The following KLF17 variants were observed in gnomAD, a reference collection of about 807,000 sequenced individuals.
The protein encoded by KLF17 is KLF transcription factor 17, also known as Krueppel-like factor 17.
A neutral mutation model predicts 34.2 loss-of-function variants in KLF17; 31 were observed. The ratio of observed to expected loss-of-function variants is 0.91; its 90% CI spans 0.68 to 1.22. The LOEUF is 1.22. KLF17 is among the 50% of genes most tolerant of loss of function. The pLI, the probability that KLF17 is intolerant of heterozygous loss-of-function variation, is 0.00. For synonymous variants in KLF17, 179 were observed against 186.7 expected (o/e 0.96, Z 0.34); for missense variants, 478 against 505.2 (o/e 0.95, Z 0.52).
At chr1:44,090,708 T>G in the KLF17 span, among the ~76,000 whole-genome samples, 4 of 151,682 alleles carry the variant, frequency 2.6e-5, no homozygotes, top group Non-Finnish European at 5.9e-5. Flanking sequence ...GGAGACAACC[T>G]CAGAAAAGTC....
chr1:44,106,777 CAG>C, the KLF17 span: 1 of 152,156 alleles, frequency 6.6e-6, no homozygotes, highest in Non-Finnish European at 1.5e-5. Flanking sequence ...GACTGGGAGA[CAG>C]AGGCAAATGA....
At position 44,122,372 on chromosome 1, in the gene KLF17, C is replaced by T. The variant is rs747909348; in HGVS notation, c.81+3384C>T. ...CCAGCTGTACAGGTTCTCTGTTCTT[C>T]GGGGTCATTTTCACAGCTTTAAGAT... On this transcript the variant is annotated intron_variant, in intron 1 of 3. Coordinates refer to ENST00000372299, the MANE Select transcript of KLF17 (RefSeq NM_173484.4). The T allele has an allele frequency of 5.0e-5, 80 of 1,606,454 alleles. 1 individual carries two copies. The highest frequency in any genetic ancestry group is 4.9e-4 in the Middle Eastern group (3 of 6,062).
the KLF17 span, among the ~76,000 whole-genome samples, chr1:44,078,953 G>A: frequency 4.6e-5 from 7 of 152,208 alleles, no homozygotes; most frequent in South Asian, 1.5e-3. Flanking sequence ...CCAAAGTGCT[G>A]GGATTACAGG....
chr1:44,051,797 G>A, the KLF17 span, among the ~76,000 whole-genome samples: 4 of 152,162 alleles, frequency 2.6e-5, no homozygotes, highest in Non-Finnish European at 5.9e-5. Context: ...GCCTCCTGTT[G>A]TGTTGTTCTG....
chr1:44,095,486 A>T, the KLF17 span, among the ~76,000 whole-genome samples: 1 of 152,096 alleles, frequency 6.6e-6, no homozygotes, highest in Non-Finnish European at 1.5e-5. Context: ...AAGTGCTGGG[A>T]TTACAGACAT....
the KLF17 span, among the ~76,000 whole-genome samples, chr1:44,055,329 C>T: frequency 6.6e-6 from 1 of 152,174 alleles, no homozygotes; most frequent in Non-Finnish European, 1.5e-5. Context: ...ACCCATTTCT[C>T]AGGGCCTCTG....
intron 1 of KLF17, among the ~76,000 whole-genome samples, chr1:44,127,607 T>C (rs1270249785): frequency 9.8e-6 from 1 of 101,964 alleles, no homozygotes; most frequent in Non-Finnish European, 2.1e-5. Flanking sequence ...TTTCCCTTTC[T>C]TTCTTTCTTT....
chr1:44,096,675 C>T, the KLF17 span, among the ~76,000 whole-genome samples: 2 of 151,988 alleles, frequency 1.3e-5, no homozygotes, highest in Admixed American at 6.6e-5. Context: ...GCTGGGATTA[C>T]AGGCATGAGC....
the KLF17 span, among the ~76,000 whole-genome samples, chr1:44,063,428 C>T: frequency 6.6e-6 from 1 of 152,168 alleles, no homozygotes; most frequent in African/African-American, 2.4e-5. Context: ...GTTACTAAGT[C>T]AGATCTTTAT....
chr1:44,127,704 CTTTCTTTCTTCTCT>C (rs1280146237), intron 1 of KLF17, among the ~76,000 whole-genome samples: 2,214 of 105,322 alleles, frequency 0.021, 87 homozygotes, highest in African/African-American at 0.085. Flanking sequence ...TTCTTTCTTT[CTTTCTTTCTTCTCT>C]TTTCTTTCTT....
the KLF17 span, among the ~76,000 whole-genome samples, chr1:44,100,686 C>G: frequency 2.0e-5 from 3 of 151,934 alleles, no homozygotes; most frequent in East Asian, 5.8e-4. Context: ...GACAGAGTCT[C>G]ACTCTGTCAC....
the KLF17 span, among the ~76,000 whole-genome samples, chr1:44,099,881 GA>G: frequency 5.3e-5 from 3 of 57,038 alleles, no homozygotes; most frequent in Non-Finnish European, 7.9e-5. Flanking sequence ...AAGAAAGAAA[GA>G]AAGAAAGAAA....
At chr1:44,132,823 A>C (rs2088127168) in intron 3 of KLF17, among the ~76,000 whole-genome samples, 1 of 152,202 alleles carries the variant, frequency 6.6e-6, no homozygotes, top group African/African-American at 2.4e-5. Flanking sequence ...GATAATGACT[A>C]TCTTGGCAAA....
the KLF17 span, among the ~76,000 whole-genome samples, chr1:44,090,304 T>TCCAAA: frequency 1.1e-4 from 1 of 8,748 alleles, no homozygotes; most frequent in Non-Finnish European, 1.9e-4. Flanking sequence ...ATCTTGTCTC[T>TCCAAA]ACAAAAAAAA....
the KLF17 span, among the ~76,000 whole-genome samples, chr1:44,066,871 G>T: frequency 6.6e-6 from 1 of 152,104 alleles, no homozygotes; most frequent in Non-Finnish European, 1.5e-5. Flanking sequence ...CCACAACATG[G>T]ATAATCTTAG....
chr1:44,082,014 C>T, the KLF17 span, among the ~76,000 whole-genome samples: 11 of 152,134 alleles, frequency 7.2e-5, no homozygotes, highest in African/African-American at 2.7e-4. Context: ...ATGGACCTGG[C>T]AACACCATAT....
chr1:44,131,146 T>G (rs1472818256), intron 3 of KLF17, among the ~76,000 whole-genome samples: 3 of 152,144 alleles, frequency 2.0e-5, no homozygotes, highest in Non-Finnish European at 2.9e-5. Flanking sequence ...AGTTCTTCTC[T>G]TTGGTGGGTG....
At chr1:44,066,311 C>G in the KLF17 span, among the ~76,000 whole-genome samples, 19,228 of 150,750 alleles carry the variant, frequency 0.13, 1,436 homozygotes, top group African/African-American at 0.21. Context: ...AGAGTGAGAC[C>G]TTTCCTCAAA....
the KLF17 span, among the ~76,000 whole-genome samples, chr1:44,087,709 C>A: frequency 7.6e-6 from 1 of 131,564 alleles, no homozygotes; most frequent in Non-Finnish European, 1.6e-5. Context: ...TCTCTGGTGC[C>A]TCTTCCTATA....
Sources: allele counts gnomAD v4.1 joint callset (sites outside exome capture counted in the v4.1 genomes callset), GRCh38; gene constraint gnomAD v4.1.1; transcripts MANE v1.5; gene names NCBI Gene and HGNC (gene_info 2026-07-23, HGNC 2026-07-21).